Variants in RRP15 observed in about 807,000 individuals in gnomAD.
The protein encoded by RRP15 is ribosomal RNA processing 15 homolog, also known as RRP15-like protein.
In RRP15, 18 loss-of-function variants were observed where a neutral mutation model predicts 27.1. The observed-to-expected ratio is 0.66, with a 90% CI of 0.46 to 0.98. The LOEUF is 0.98. Ranked by LOEUF, RRP15 falls within the 50% of genes least tolerant of loss-of-function variation. RRP15 has a pLI of 0.00. For missense variants in RRP15, 359 were observed against 337.8 expected (o/e 1.06, Z -0.49); for synonymous variants, 107 against 109.4 (o/e 0.98, Z 0.14).
At chr1:218,292,948 C>A (rs1205423539) in intron 1 of RRP15, among the ~76,000 whole-genome samples, 1 of 152,108 alleles carries the variant, frequency 6.6e-6, no homozygotes, top group East Asian at 1.9e-4. Context: ...TTGTCTTTTA[C>A]AAATTTTCCT....
At chr1:218,329,794 A>G (rs906794362) in intron 4 of RRP15, among the ~76,000 whole-genome samples, 13 of 151,682 alleles carry the variant, frequency 8.6e-5, no homozygotes, top group Non-Finnish European at 1.2e-4. Context: ...CCAATAGGAC[A>G]GTTTTCCTAT....
intron 1 of RRP15, among the ~76,000 whole-genome samples, chr1:218,297,843 G>T (rs565090106): frequency 6.6e-6 from 1 of 152,142 alleles, no homozygotes; most frequent in Non-Finnish European, 1.5e-5. Flanking sequence ...CACACCTGGA[G>T]TATGAACTTT....
At chr1:218,296,977 T>C (rs988983180) in intron 1 of RRP15, among the ~76,000 whole-genome samples, 3 of 152,230 alleles carry the variant, frequency 2.0e-5, no homozygotes, top group African/African-American at 7.2e-5. Context: ...GATCTCTGTC[T>C]GTCCTCTGAT....
At chr1:218,308,093 A>G (rs577307392) in intron 4 of RRP15, among the ~76,000 whole-genome samples, 38 of 20,180 alleles carry the variant, frequency 1.9e-3, no homozygotes, top group East Asian at 0.01. Context: ...TTTTTTTTTG[A>G]TGGAGTCTTG....
intron 4 of RRP15, among the ~76,000 whole-genome samples, chr1:218,324,990 G>C (rs1263688605): frequency 6.6e-6 from 1 of 151,922 alleles, no homozygotes; most frequent in African/African-American, 2.4e-5. Flanking sequence ...TTGCTTTCTT[G>C]GGTTGCTTCA....
intron 4 of RRP15, among the ~76,000 whole-genome samples, chr1:218,326,436 C>T (rs538877895): frequency 6.6e-6 from 1 of 152,058 alleles, no homozygotes; most frequent in South Asian, 2.1e-4. Context: ...ATTTTTGTTC[C>T]TACAAGTCGT....
At chr1:218,330,470 C>T (rs529196877) in intron 4 of RRP15, among the ~76,000 whole-genome samples, 1 of 152,214 alleles carries the variant, frequency 6.6e-6, no homozygotes, top group Admixed American at 6.5e-5. Flanking sequence ...CTTAAAAAAC[C>T]TAGCATAGTA....
chr1:218,285,782 G>A (rs1471978238), intron 1 of RRP15, among the ~76,000 whole-genome samples: 1 of 152,034 alleles, frequency 6.6e-6, no homozygotes, highest in Non-Finnish European at 1.5e-5. Context: ...CTTGAAAACA[G>A]GAGAAGAATG....
chr1:218,329,237 CAAAAAAAAAA>C (rs1164512474), intron 4 of RRP15, among the ~76,000 whole-genome samples: 17 of 53,574 alleles, frequency 3.2e-4, no homozygotes, highest in African/African-American at 7.8e-4. Flanking sequence ...CCTGTCTCTA[CAAAAAAAAAA>C]AAAAAAAAAA....
chr1:218,289,024 A>T (rs977574713), intron 1 of RRP15, among the ~76,000 whole-genome samples: 1 of 152,214 alleles, frequency 6.6e-6, no homozygotes, highest in Non-Finnish European at 1.5e-5. Flanking sequence ...CAAAATGAGG[A>T]TAATAATAAT....
At chr1:218,292,872 TTCTTTACTTTC>T (rs1388089950) in intron 1 of RRP15, among the ~76,000 whole-genome samples, 1 of 152,208 alleles carries the variant, frequency 6.6e-6, no homozygotes, top group Admixed American at 6.5e-5. Context: ...ACTCTTTTTA[TTCTTTACTTTC>T]TCTTAACCAG....
At chr1:218,319,140 C>T (rs1656136530) in intron 4 of RRP15, among the ~76,000 whole-genome samples, 1 of 151,886 alleles carries the variant, frequency 6.6e-6, no homozygotes, top group Non-Finnish European at 1.5e-5. Flanking sequence ...GCTCGGCTCA[C>T]TGCAACCTCC....
In RRP15 at chr1:218,312,864, C is replaced by T. The variant is rs74906231; in HGVS notation, c.705+5232C>T. The stretch of plus-strand genomic sequence containing the variant: ...TTTCAGATTCCTTATAGTTTTCTTT[C>T]CTGTTTTCTTCCATGGAAGTTGGAA... On this transcript the variant is annotated intron_variant, in intron 4 of 4. Coordinates refer to ENST00000366932, the MANE Select transcript of RRP15 (RefSeq NM_016052.4). Among the ~76,000 whole-genome samples the T allele has an allele frequency of 7.4e-3, 1,133 of 152,136 alleles. 12 individuals are homozygous for T. Among genetic ancestry groups the T allele is most frequent in the African/African-American group, 0.026 (1,078 of 41,492 alleles).
rs61823386 is a variant in RRP15, at chr1:218,328,926, A to T, written c.706-2022A>T. ...CTTCACACTGAGATTGTACTTGTTC[A>T]TATGTAAACTCAAATATCAAAGGCA... On this transcript the variant is annotated intron_variant, in intron 4 of 4. Transcript: ENST00000366932. 3.5e-4 allele frequency among the ~76,000 whole-genome samples: 53 copies of T among 152,202 alleles called. No individual in the cohort carries two copies. The South Asian group carries it at 5.8e-3, about 17-fold the overall frequency.
chr1:218,305,130 G>C lies in RRP15; in HGVS notation c.503+5G>C, dbSNP rs1402759018. ...TCTTCAGAGAATTGCAACAAGGTAA[G>C]GTAGTGTTTTTGCCCTTTAAAAAAT... On this transcript the variant is annotated splice_donor_5th_base_variant and intron_variant, in intron 3 of 4. Coordinates refer to ENST00000366932, the MANE Select transcript of RRP15 (RefSeq NM_016052.4). The C allele has an allele frequency of 6.2e-7, 1 of 1,606,438 alleles. No homozygotes were observed.
At position 218,337,523 on chromosome 1, in the gene RRP15, A is replaced by C. The variant is rs1224435555; in HGVS notation, c.*6432A>C. 1 of 152,240 alleles carries C rather than the reference A, an allele frequency of 6.6e-6. No individual in the cohort carries two copies. Among genetic ancestry groups the C allele is most frequent in the Non-Finnish European group, 1.5e-5 (1 of 68,038 alleles). The allele number at this position is 152,240 out of a possible 1,614,324, so 9.4% of individuals were successfully genotyped here. A position where few individuals can be genotyped will look rare whatever the true frequency, so the allele number is the denominator to read the frequency against. ...TCCTTTTAAAATGATGGTTGTGAAG[A>C]CTGATGAAAACACAGTGTCAATGAT... On this transcript the variant is annotated 3_prime_UTR_variant, in exon 5 of 5. Transcript: ENST00000366932.
chr1:218,323,985 A>G (rs1315165129), intron 4 of RRP15, among the ~76,000 whole-genome samples: 1 of 152,160 alleles, frequency 6.6e-6, no homozygotes, highest in East Asian at 1.9e-4. Flanking sequence ...CTAGGTCTGC[A>G]GCCGGGACTT....
At chr1:218,285,566 C>A in intron 1 of RRP15, 111 bp downstream of exon 1, 1 of 1,448,086 alleles carries the variant, frequency 6.9e-7, no homozygotes, top group Non-Finnish European at 9.5e-7. Context: ...TTTATCTTGG[C>A]ACCACTTCAG....
chr1:218,288,912 A>G (rs578167206), intron 1 of RRP15, among the ~76,000 whole-genome samples: 10 of 152,020 alleles, frequency 6.6e-5, no homozygotes, highest in African/African-American at 2.4e-4. Context: ...CTGGAAGCAA[A>G]TTCCCCTGTT....
Sources: gnomAD v4.1 joint callset for allele counts (sites outside exome capture counted in the v4.1 genomes callset) on GRCh38, gnomAD v4.1.1 for gene constraint, MANE v1.5 for transcripts, NCBI Gene and HGNC (gene_info 2026-07-23, HGNC 2026-07-21) for gene names.